The following SLC41A3 variants were observed in gnomAD, a reference collection of about 807,000 sequenced individuals.
The protein encoded by SLC41A3 is SLC41A1-like 2.
In SLC41A3, 44 loss-of-function variants were observed where a neutral mutation model predicts 45.4. That is an observed-to-expected ratio of 0.97 (90% confidence interval 0.76 to 1.25). The LOEUF (loss-of-function observed/expected upper bound fraction) is 1.25. SLC41A3 is among the 50% of genes most tolerant of loss of function. The probability of loss-of-function intolerance (pLI) is 0.00; values close to 1 mark genes in which losing one functional copy is unlikely to be tolerated. For synonymous variants in SLC41A3, 256 were observed against 252.4 expected, an observed-to-expected ratio of 1.01 and a Z score of -0.13; for missense variants, 550 against 600.6, an observed-to-expected ratio of 0.92 and a Z score of 0.88.
At chr3:126,061,916 T>C (rs1157312193) in intron 2 of SLC41A3, among the ~76,000 whole-genome samples, 1 of 152,214 alleles carries the variant, frequency 6.6e-6, no homozygotes, top group East Asian at 1.9e-4. Context: ...AGAACCACTG[T>C]TAACTGACTA....
At chr3:126,079,608 T>C (rs1011457987) in intron 1 of SLC41A3, among the ~76,000 whole-genome samples, 2 of 152,180 alleles carry the variant, frequency 1.3e-5, no homozygotes, top group African/African-American at 2.4e-5. Flanking sequence ...GATGGAAAGA[T>C]ACATTATGTT....
intron 3 of SLC41A3, among the ~76,000 whole-genome samples, chr3:126,041,196 G>GT (rs1286975952): frequency 4.6e-5 from 7 of 151,296 alleles, no homozygotes; most frequent in African/African-American, 1.7e-4. Context: ...AATGTAGGGA[G>GT]TATGAAAAGA....
intron 3 of SLC41A3, among the ~76,000 whole-genome samples, chr3:126,042,928 T>C (rs1942690241): frequency 6.6e-6 from 1 of 150,942 alleles, no homozygotes; most frequent in South Asian, 2.1e-4. Flanking sequence ...TTGTAATACA[T>C]ACAATTTGGA....
intron 1 of SLC41A3, among the ~76,000 whole-genome samples, chr3:126,093,613 G>T (rs574583427): frequency 8.5e-5 from 13 of 152,308 alleles, no homozygotes; most frequent in African/African-American, 3.1e-4. Context: ...ATTTAAAAGG[G>T]GTACAAATAC....
chr3:126,055,453 G>A (rs1162015017), intron 2 of SLC41A3, among the ~76,000 whole-genome samples: 1 of 152,158 alleles, frequency 6.6e-6, no homozygotes, highest in Non-Finnish European at 1.5e-5. Flanking sequence ...GGCGGAGGTT[G>A]CAGTGAGCCG....
chr3:126,011,361 G>C (rs1421086830), intron 9 of SLC41A3, among the ~76,000 whole-genome samples: 2 of 152,172 alleles, frequency 1.3e-5, no homozygotes, highest in African/African-American at 4.8e-5. Flanking sequence ...GGGGAAAAAA[G>C]ATCAGTCAAC....
At position 126,026,465 on chromosome 3, in the gene SLC41A3, G is replaced by A. The variant is rs750137602; in HGVS notation, c.468C>T (p.Val156=). 7.5e-6 allele frequency: 12 copies of A among 1,603,850 alleles called. No homozygotes were observed. Among genetic ancestry groups the A allele is most frequent in the Middle Eastern group, 1.7e-4 (1 of 6,048 alleles). The part of the protein sequence containing the change: ...NLALIQVQAT[V]VGLLAAVAAL... ...CAGCCACAGCAGCCAAGAGCCCCAC[G>A]ACAGTGGCCTGCACCTGTTGGACAG... Residue 156 remains valine, a synonymous_variant, in exon 5 of 11, where the codon GTC becomes GTT. Coordinates refer to ENST00000360370, the MANE Select transcript of SLC41A3 (RefSeq NM_017836.4). The surrounding 1 kb of genome is among the most constrained non-coding windows in gnomAD (Gnocchi z 4.2).
At chr3:126,070,333 T>C (rs1944557503) in intron 1 of SLC41A3, 1 of 152,232 alleles carries the variant, frequency 6.6e-6, no homozygotes, top group South Asian at 2.1e-4. Flanking sequence ...CAGCATCAGA[T>C]CCTCATAGGA....
At chr3:126,056,902 C>G in intron 2 of SLC41A3, 2 of 1,120,948 alleles carry the variant, frequency 1.8e-6, no homozygotes, top group Non-Finnish European at 2.2e-6. Flanking sequence ...TCCCTCTGCA[C>G]CGGCCTTGAC....
intron 1 of SLC41A3, among the ~76,000 whole-genome samples, chr3:126,096,467 A>C (rs747551052): frequency 1.3e-5 from 2 of 152,218 alleles, no homozygotes; most frequent in Non-Finnish European, 1.5e-5. Context: ...TGATGTGTTC[A>C]TGATGGCCAT....
At chr3:126,077,622 G>C (rs994079013) in intron 1 of SLC41A3, among the ~76,000 whole-genome samples, 1 of 152,112 alleles carries the variant, frequency 6.6e-6, no homozygotes, top group African/African-American at 2.4e-5. Context: ...ATCCTTGCTT[G>C]TCAATCACAG....
At position 126,008,206 on chromosome 3, in the gene SLC41A3, T is replaced by C. The variant is rs1385233292; in HGVS notation, c.1254+526A>G. ...GTTGTGTGCCGTGTCTAGCATGCAG[T>C]ACATAATGTGACGAGTGATGTGCAA... On this transcript the variant is annotated intron_variant, in intron 10 of 10. Coordinates refer to ENST00000360370, the MANE Select transcript of SLC41A3 (RefSeq NM_017836.4). 3.2e-4 allele frequency among the ~76,000 whole-genome samples: 49 copies of C among 152,248 alleles called. 1 individual carries two copies. The highest frequency in any genetic ancestry group is 3.2e-3 in the Admixed American group (49 of 15,282).
At chr3:126,027,143 A>G (rs1941423416) in intron 4 of SLC41A3, among the ~76,000 whole-genome samples, 1 of 152,176 alleles carries the variant, frequency 6.6e-6, no homozygotes, top group African/African-American at 2.4e-5. Flanking sequence ...TTGGCTCTGT[A>G]GCCCCACCAA....
chr3:126,091,355 A>C (rs752741302), intron 1 of SLC41A3, among the ~76,000 whole-genome samples: 4 of 152,090 alleles, frequency 2.6e-5, no homozygotes, highest in Non-Finnish European at 2.9e-5. Flanking sequence ...CATTTTAGGG[A>C]AACAAAAGAC....
intron 8 of SLC41A3, 79 bp from the exon 9 acceptor site, chr3:126,012,828 C>T (rs1245065535): frequency 2.5e-6 from 4 of 1,573,714 alleles, no homozygotes; most frequent in Non-Finnish European, 2.6e-6. Context: ...AGTTCCCTTC[C>T]TCCAGGAAGT....
chr3:126,063,370 G>A (rs543377466), intron 2 of SLC41A3, among the ~76,000 whole-genome samples: 1 of 152,170 alleles, frequency 6.6e-6, no homozygotes, highest in South Asian at 2.1e-4. Flanking sequence ...GGGAGCTATA[G>A]GCTTCACGGT....
chr3:126,098,266 T>G (rs1559903881), intron 1 of SLC41A3, among the ~76,000 whole-genome samples: 1 of 152,026 alleles, frequency 6.6e-6, no homozygotes, highest in Non-Finnish European at 1.5e-5. Flanking sequence ...CTGGAGTCCT[T>G]AGAAGAGATG....
intron 3 of SLC41A3, among the ~76,000 whole-genome samples, chr3:126,037,257 C>T (rs1942265176): frequency 6.6e-6 from 1 of 152,172 alleles, no homozygotes; most frequent in South Asian, 2.1e-4. Context: ...ATGGAAGCTT[C>T]CTGAGGCCTC....
At chr3:126,087,360 CAAAT>C (rs1344341512), upstream of SLC41A3, among the ~76,000 whole-genome samples, 4 of 151,844 alleles carry the variant, frequency 2.6e-5, no homozygotes, top group Admixed American at 6.6e-5. Context: ...TCCAGGTAAA[CAAAT>C]AAATTAATCA....
Sources: gnomAD v4.1 joint callset for allele counts (sites outside exome capture counted in the v4.1 genomes callset) on GRCh38, gnomAD v4.1.1 for gene constraint, Gnocchi (gnomAD v3.1) non-coding constraint, MANE v1.5 for transcripts, NCBI Gene and HGNC (gene_info 2026-07-23, HGNC 2026-07-21) for gene names.